CNKSR2: variants seen among roughly 807,000 people sequenced by gnomAD.
CNKSR2 encodes the protein CNK homolog protein 2.
CNKSR2 carries 14 observed loss-of-function variants against 84.4 expected under a neutral mutation model. That is an observed-to-expected ratio of 0.17 (90% CI 0.11 to 0.26). CNKSR2 has a LOEUF of 0.26. Among genes scored for constraint, CNKSR2 ranks in the 10% least tolerant of loss-of-function variants. The pLI, the probability that CNKSR2 is intolerant of heterozygous loss-of-function variation, is 1.00. For synonymous variants in CNKSR2, 275 were observed against 277.9 expected (o/e 0.99, Z 0.10); for missense variants, 485 against 771.2 (o/e 0.63, Z 4.40).
chrX:21,617,786 A>G (rs760789179), intron 20 of CNKSR2, among the ~76,000 whole-genome samples: 1 of 110,825 alleles, frequency 9.0e-6, no homozygotes, highest in Admixed American at 9.7e-5. Context: ...CCCAATCCCA[A>G]AATTTATTAC....
At chrX:21,402,614 A>G (rs751727714) in intron 1 of CNKSR2, among the ~76,000 whole-genome samples, 40 of 111,151 alleles carry the variant, frequency 3.6e-4, no homozygotes, top group African/African-American at 1.1e-3. Flanking sequence ...TAATGCTAAA[A>G]TAGTAAATAA....
intron 1 of CNKSR2, among the ~76,000 whole-genome samples, chrX:21,409,628 T>C (rs2090315128): frequency 9.0e-6 from 1 of 110,647 alleles, no homozygotes; most frequent in East Asian, 2.8e-4. Flanking sequence ...TGAGAAATAT[T>C]TGATAAGGAA....
chrX:21,455,655 G>A (rs1244663141), intron 4 of CNKSR2, among the ~76,000 whole-genome samples: 1 of 111,861 alleles, frequency 8.9e-6, no homozygotes, highest in Admixed American at 9.4e-5. Flanking sequence ...GATGTCAGTG[G>A]CATATTTGAT....
At chrX:21,425,978 A>G (rs973268084) in intron 1 of CNKSR2, 2 of 112,985 alleles carry the variant, frequency 1.8e-5, no homozygotes, top group African/African-American at 6.5e-5. Context: ...GATGGCAGAG[A>G]TTTGAACATA....
intron 20 of CNKSR2, 41 bp from the exon 21 acceptor site, chrX:21,648,790 C>CTTTGTTTTT: frequency 1.5e-6 from 1 of 660,772 alleles, no homozygotes; most frequent in Non-Finnish European, 2.0e-6. Flanking sequence ...CTCTCTCTCT[C>CTTTGTTTTT]TTTCTTTTTT....
chrX:21,431,217 C>A (rs1222387155), intron 2 of CNKSR2, among the ~76,000 whole-genome samples: 1 of 111,298 alleles, frequency 9.0e-6, no homozygotes, highest in Non-Finnish European at 1.9e-5. Flanking sequence ...AAGTAGGTAC[C>A]CAGTGATTGT....
At chrX:21,611,061 C>T (rs906618258) in intron 20 of CNKSR2, among the ~76,000 whole-genome samples, 3 of 111,991 alleles carry the variant, frequency 2.7e-5, no homozygotes, top group African/African-American at 9.7e-5. Context: ...CATTACTTGC[C>T]AAGCCCTTTC....
At chrX:21,566,025 T>C (rs1601956204) in intron 13 of CNKSR2, among the ~76,000 whole-genome samples, 1 of 112,197 alleles carries the variant, frequency 8.9e-6, no homozygotes, top group East Asian at 2.8e-4. Context: ...CTTTCCGCAC[T>C]CTATCCTGTT....
At chrX:21,511,911 TTGG>T (rs1256626180) in intron 8 of CNKSR2, among the ~76,000 whole-genome samples, 1 of 111,122 alleles carries the variant, frequency 9.0e-6, no homozygotes, top group African/African-American at 3.3e-5. Flanking sequence ...CCCAAGGAAT[TTGG>T]CTTAAACTCA....
At chrX:21,603,546 C>T (rs1040717726) in intron 18 of CNKSR2, among the ~76,000 whole-genome samples, 1 of 112,540 alleles carries the variant, frequency 8.9e-6, no homozygotes, top group African/African-American at 3.2e-5. Flanking sequence ...TTAGAAGTGA[C>T]TCTTTCATTG....
chrX:21,388,959 T>C (rs1379598432), intron 1 of CNKSR2, among the ~76,000 whole-genome samples: 1 of 109,505 alleles, frequency 9.1e-6, no homozygotes, highest in African/African-American at 3.3e-5. Context: ...GTACCCATGA[T>C]ACGATGTGAT....
Position 21,374,618 on chromosome X carries a change from A to AGCAGCAGCAGCAGCAGCCGCCGCCGCC in CNKSR2, c.-266_-265insAGCCGCCGCCGCCGCAGCAGCAGCAGC. On this transcript the variant is annotated 5_prime_UTR_variant, in exon 1 of 22. Coordinates refer to ENST00000379510, the MANE Select transcript of CNKSR2 (RefSeq NM_014927.5). ...AGGCAGCAGCAGCAGCAGCAGCAGC[A>AGCAGCAGCAGCAGCAGCCGCCGCCGCC]GCAGCAGCAGCAGCCGCCGCCGCCG... 1 of 507,857 alleles carries AGCAGCAGCAGCAGCAGCCGCCGCCGCC rather than the reference A, an allele frequency of 2.0e-6. No homozygotes were observed. The highest frequency in any genetic ancestry group is 2.3e-5 in the African/African-American group (1 of 42,853). The allele number at this position is 507,857 out of a possible 1,213,427, so 41.9% of individuals were successfully genotyped here.
intron 17 of CNKSR2, among the ~76,000 whole-genome samples, chrX:21,595,625 C>CA (rs1333940166): frequency 1.8e-5 from 2 of 110,753 alleles, no homozygotes; most frequent in Non-Finnish European, 3.8e-5. Flanking sequence ...TATACAGACC[C>CA]AAAAAAATCT....
chrX:21,468,424 A>G (rs1464051757), intron 4 of CNKSR2, among the ~76,000 whole-genome samples: 1 of 110,955 alleles, frequency 9.0e-6, no homozygotes, highest in East Asian at 2.8e-4. Flanking sequence ...AAATTGTTCC[A>G]TGTTTGACTA....
chrX:21,532,085 A>G lies in CNKSR2; in HGVS notation c.1303+18A>G, dbSNP rs1448072644. 9.1e-7 allele frequency: 1 copy of G among 1,101,062 alleles called. No homozygotes were observed. Among genetic ancestry groups the G allele is most frequent in the South Asian group, 2.0e-5 (1 of 50,240 alleles). The allele number at this position is 1,101,062 out of a possible 1,213,427, so 90.7% of individuals were successfully genotyped here. On this transcript the variant is annotated intron_variant, in intron 11 of 21. Transcript: ENST00000379510. ...AACTTATGGTAAGAGTTCTTCTTTT[A>G]TGTTTATATAAGACTATATTTCTGG...
chrX:21,396,146 C>A (rs1261699449), intron 1 of CNKSR2, among the ~76,000 whole-genome samples: 1 of 111,395 alleles, frequency 9.0e-6, no homozygotes, highest in African/African-American at 3.3e-5. Context: ...AGAGTCTTAA[C>A]TATTCACACT....
At chrX:21,541,648 T>C (rs2091978002) in intron 11 of CNKSR2, among the ~76,000 whole-genome samples, 1 of 111,845 alleles carries the variant, frequency 8.9e-6, no homozygotes. Flanking sequence ...CAACATTAAG[T>C]GAGGACTTAC....
At chrX:21,442,311 A>G (rs962129928) in intron 4 of CNKSR2, among the ~76,000 whole-genome samples, 1 of 110,690 alleles carries the variant, frequency 9.0e-6, no homozygotes, top group African/African-American at 3.3e-5. Context: ...CTCACAAAGA[A>G]CTGAAGCTTC....
chrX:21,428,581 A>G (rs186446912), intron 2 of CNKSR2: 2 of 111,840 alleles, frequency 1.8e-5, no homozygotes, highest in African/African-American at 6.5e-5. Context: ...ATAATTTAGT[A>G]TGCTTTAATA....
Sources: allele counts gnomAD v4.1 joint callset (sites outside exome capture counted in the v4.1 genomes callset), GRCh38; gene constraint gnomAD v4.1.1; transcripts MANE v1.5; gene names NCBI Gene and HGNC (gene_info 2026-07-23, HGNC 2026-07-21).